Variants in TENM2 observed in about 807,000 individuals in gnomAD.
TENM2 encodes the protein teneurin-2.
In TENM2, 52 loss-of-function variants were observed where a neutral mutation model predicts 245.2. The observed-to-expected ratio is 0.21, with a 90% CI of 0.17 to 0.27. TENM2 has a LOEUF of 0.27. TENM2 is among the 10% of genes least tolerant of loss of function. TENM2 has a pLI of 1.00. For synonymous variants in TENM2, 1,363 were observed against 1,438.9 expected (o/e 0.95, Z 1.19); for missense variants, 3,046 against 3,666.8 (o/e 0.83, Z 4.37).
intron 2 of TENM2, among the ~76,000 whole-genome samples, chr5:167,583,724 A>G (rs1377572882): frequency 6.6e-6 from 1 of 152,184 alleles, no homozygotes; most frequent in Non-Finnish European, 1.5e-5. Context: ...AGGGGTTCAC[A>G]GTGTTAACTG....
At chr5:167,086,285 T>C in the TENM2 span, among the ~76,000 whole-genome samples, 3 of 152,198 alleles carry the variant, frequency 2.0e-5, no homozygotes, top group Non-Finnish European at 4.4e-5. Context: ...GTCCTTTCCA[T>C]GGCACCTCTG....
chr5:168,199,976 T>G, exon 17 of TENM2: 2 of 1,614,016 alleles, frequency 1.2e-6, no homozygotes, highest in Non-Finnish European at 1.7e-6. Context: ...CAGTCCACAG[T>G]GCCCCTGAAC....
the TENM2 span, among the ~76,000 whole-genome samples, chr5:167,179,802 G>C: frequency 2.0e-5 from 3 of 152,200 alleles, no homozygotes; most frequent in African/African-American, 7.2e-5. Flanking sequence ...GTCAAACCAG[G>C]ACCGTTGGTC....
chr5:168,110,332 G>A (rs1348028443), intron 9 of TENM2, among the ~76,000 whole-genome samples: 2 of 152,152 alleles, frequency 1.3e-5, no homozygotes, highest in Admixed American at 1.3e-4. Flanking sequence ...ATCCTATCTA[G>A]TGATGACTAT....
intron 2 of TENM2, among the ~76,000 whole-genome samples, chr5:167,713,296 CG>C (rs1185676738): frequency 1.3e-5 from 2 of 151,382 alleles, no homozygotes; most frequent in African/African-American, 4.9e-5. Flanking sequence ...GCCCAGAAAT[CG>C]GGAAGCTCCT....
chr5:167,479,393 G>A (rs73801235), intron 2 of TENM2, among the ~76,000 whole-genome samples: 6,014 of 152,120 alleles, frequency 0.04, 261 homozygotes, highest in Admixed American at 0.1. Context: ...AACAGAAATG[G>A]AATAGAATAG....
chr5:167,682,600 C>T (rs7704071), intron 2 of TENM2, among the ~76,000 whole-genome samples: 64,379 of 151,838 alleles, frequency 0.42, 16,184 homozygotes, highest in East Asian at 0.9. Context: ...TAGGTGTTTC[C>T]CTTCTTTCAT....
chr5:167,098,098 TG>T, the TENM2 span, among the ~76,000 whole-genome samples: 2 of 152,240 alleles, frequency 1.3e-5, no homozygotes, highest in Non-Finnish European at 2.9e-5. Flanking sequence ...TACCTTTATG[TG>T]GTCACCATTT....
At chr5:167,181,465 T>TG in the TENM2 span, among the ~76,000 whole-genome samples, 5 of 123,112 alleles carry the variant, frequency 4.1e-5, no homozygotes, top group Admixed American at 2.5e-4. Flanking sequence ...GAGCCGCTCG[T>TG]TTGTGTGTGT....
At chr5:167,855,321 C>G (rs1770964658) in intron 2 of TENM2, among the ~76,000 whole-genome samples, 2 of 152,108 alleles carry the variant, frequency 1.3e-5, no homozygotes, top group African/African-American at 4.8e-5. Flanking sequence ...AAATGGCACC[C>G]ACCTCTTGAC....
intron 2 of TENM2, among the ~76,000 whole-genome samples, chr5:167,692,961 G>A (rs1417034672): frequency 6.6e-6 from 1 of 152,188 alleles, no homozygotes; most frequent in African/African-American, 2.4e-5. Context: ...TGGCAGTAGG[G>A]AGTAACAACT....
intron 7 of TENM2, among the ~76,000 whole-genome samples, chr5:168,074,422 C>T (rs1214829204): frequency 1.3e-5 from 2 of 152,154 alleles, no homozygotes; most frequent in Non-Finnish European, 2.9e-5. Context: ...AAAACAGGCT[C>T]TGGTCTCATC....
At chr5:168,103,751 A>G (rs1299022557) in intron 9 of TENM2, among the ~76,000 whole-genome samples, 1 of 152,148 alleles carries the variant, frequency 6.6e-6, no homozygotes, top group Non-Finnish European at 1.5e-5. Context: ...CTCACACATA[A>G]GGCAGAGACG....
intron 1 of TENM2, among the ~76,000 whole-genome samples, chr5:167,304,585 A>G (rs1189514708): frequency 6.6e-6 from 1 of 152,160 alleles, no homozygotes; most frequent in Non-Finnish European, 1.5e-5. Context: ...TACTTAGGGA[A>G]TATTTGTAAC....
At chr5:167,329,403 AT>A (rs1160315443) in intron 1 of TENM2, among the ~76,000 whole-genome samples, 4 of 149,982 alleles carry the variant, frequency 2.7e-5, no homozygotes, top group African/African-American at 9.8e-5. Context: ...AAAAAAAAAA[AT>A]AGCCTGGCGT....
intron 2 of TENM2, among the ~76,000 whole-genome samples, chr5:167,800,267 A>G (rs904767569): frequency 2.6e-5 from 4 of 152,168 alleles, no homozygotes; most frequent in Non-Finnish European, 5.9e-5. Context: ...GTTGGGTTTT[A>G]TTTAACAGAT....
chr5:167,922,202 C>T (rs1172912552), intron 3 of TENM2, among the ~76,000 whole-genome samples: 1 of 152,162 alleles, frequency 6.6e-6, no homozygotes, highest in Non-Finnish European at 1.5e-5. Context: ...TCTTCCTTTT[C>T]CTCATGACCC....
intron 2 of TENM2, among the ~76,000 whole-genome samples, chr5:167,781,966 C>T (rs900685402): frequency 1.1e-4 from 17 of 151,136 alleles, no homozygotes; most frequent in African/African-American, 3.4e-4. Context: ...ATGATTGCAT[C>T]GTTGCACTCC....
At chr5:167,184,157 A>G in the TENM2 span, among the ~76,000 whole-genome samples, 3 of 152,248 alleles carry the variant, frequency 2.0e-5, no homozygotes. Context: ...CTTTGAAGAT[A>G]TCCGAGAAAA....
Sources: allele counts gnomAD v4.1 joint callset (sites outside exome capture counted in the v4.1 genomes callset), GRCh38; gene constraint gnomAD v4.1.1; transcripts MANE v1.5; gene names NCBI Gene and HGNC (gene_info 2026-07-23, HGNC 2026-07-21).